Variants in SRBD1 observed in about 807,000 individuals in gnomAD.
SRBD1 encodes S1 RNA-binding domain-containing protein 1.
Under a neutral mutation model 115.3 loss-of-function variants are expected in SRBD1, and 88 were observed. The observed-to-expected ratio is 0.76, with a 90% CI of 0.64 to 0.91. The LOEUF (loss-of-function observed/expected upper bound fraction) is 0.91, where lower values mean the gene tolerates loss of function less well. Ranked by LOEUF, SRBD1 falls within the 40% of genes least tolerant of loss-of-function variation. The pLI is 0.00. For synonymous variants in SRBD1, 509 were observed against 407.7 expected, an observed-to-expected ratio of 1.25 and a Z score of -2.99; for missense variants, 1,385 against 1,177.4, an observed-to-expected ratio of 1.18 and a Z score of -2.58.
intron 7 of SRBD1, 62 bp downstream of exon 7, chr2:45,579,811 TAC>T: frequency 6.9e-7 from 1 of 1,446,260 alleles, no homozygotes; most frequent in East Asian, 2.4e-5. Context: ...TTTTTTAACA[TAC>T]GTTTTTAAAT....
chr2:45,402,742 A>G (rs1667324193), intron 19 of SRBD1, among the ~76,000 whole-genome samples: 1 of 152,202 alleles, frequency 6.6e-6, no homozygotes, highest in Non-Finnish European at 1.5e-5. Flanking sequence ...TCTGGAGTGA[A>G]TCAAATTCTT....
At chr2:45,509,140 A>T (rs192404189) in intron 14 of SRBD1, among the ~76,000 whole-genome samples, 9 of 152,308 alleles carry the variant, frequency 5.9e-5, no homozygotes, top group African/African-American at 2.2e-4. Flanking sequence ...GATATCAAGC[A>T]ACCTACTTCT....
At chr2:45,415,681 GGGGAC>G (rs1196328803) in intron 18 of SRBD1, among the ~76,000 whole-genome samples, 400 of 27,878 alleles carry the variant, frequency 0.014, 22 homozygotes, top group East Asian at 0.017. Flanking sequence ...GGGGAGGGGA[GGGGAC>G]GGGAGAGGAG....
At chr2:45,433,275 G>A (rs1160586156) in intron 16 of SRBD1, among the ~76,000 whole-genome samples, 5 of 152,026 alleles carry the variant, frequency 3.3e-5, no homozygotes, top group Non-Finnish European at 7.4e-5. Context: ...AGTGGATGCT[G>A]AGTGCACCCA....
chr2:45,557,491 T>C (rs1003852938), intron 10 of SRBD1, among the ~76,000 whole-genome samples: 1 of 152,268 alleles, frequency 6.6e-6, no homozygotes, highest in East Asian at 1.9e-4. Flanking sequence ...ACTGCTCTCC[T>C]CCCCTTCCTG....
chr2:45,410,990 T>A (rs1214887072), intron 19 of SRBD1, among the ~76,000 whole-genome samples: 1 of 152,188 alleles, frequency 6.6e-6, no homozygotes, highest in Non-Finnish European at 1.5e-5. Context: ...GAACATTAAG[T>A]AGATGTTTCC....
At chr2:45,437,880 C>T (rs927866968) in intron 16 of SRBD1, among the ~76,000 whole-genome samples, 1 of 152,038 alleles carries the variant, frequency 6.6e-6, no homozygotes, top group African/African-American at 2.4e-5. Flanking sequence ...ACAATAAAGG[C>T]ACAATTCATA....
At chr2:45,471,683 A>G (rs1389348823) in intron 16 of SRBD1, among the ~76,000 whole-genome samples, 1 of 152,168 alleles carries the variant, frequency 6.6e-6, no homozygotes, top group East Asian at 1.9e-4. Context: ...TTTTCATCTT[A>G]TTACAACTTT....
chr2:45,391,109 A>G (rs1481085039), intron 20 of SRBD1, among the ~76,000 whole-genome samples: 1 of 152,138 alleles, frequency 6.6e-6, no homozygotes, highest in East Asian at 1.9e-4. Flanking sequence ...GCTGCTGCAG[A>G]TTCCCTAAGG....
At chr2:45,585,956 T>A (rs183779188) in intron 4 of SRBD1, among the ~76,000 whole-genome samples, 182 bp from the exon 5 acceptor site, 1 of 152,176 alleles carries the variant, frequency 6.6e-6, no homozygotes, top group Admixed American at 6.5e-5. Flanking sequence ...AATGGTAAAA[T>A]AGCCATTTCA....
chr2:45,473,465 C>T (rs556325086), intron 16 of SRBD1, among the ~76,000 whole-genome samples: 1 of 152,212 alleles, frequency 6.6e-6, no homozygotes, highest in South Asian at 2.1e-4. Context: ...TGGACACTCC[C>T]CTGCTTTTTG....
At chr2:45,547,839 G>A (rs556560958) in intron 12 of SRBD1, among the ~76,000 whole-genome samples, 1 of 152,246 alleles carries the variant, frequency 6.6e-6, no homozygotes, top group African/African-American at 2.4e-5. Context: ...ATTAATTGGA[G>A]AATATGCTAG....
intron 19 of SRBD1, among the ~76,000 whole-genome samples, chr2:45,407,855 T>A (rs149157899): frequency 6.6e-6 from 1 of 151,980 alleles, no homozygotes; most frequent in Admixed American, 6.6e-5. Flanking sequence ...AAAGAACTCA[T>A]ACATAAATAA....
At chr2:45,488,878 A>G (rs1392799279) in intron 14 of SRBD1, among the ~76,000 whole-genome samples, 1 of 152,028 alleles carries the variant, frequency 6.6e-6, no homozygotes, top group African/African-American at 2.4e-5. Flanking sequence ...AAAAGGGATC[A>G]GACAGGATGT....
At chr2:45,513,433 AC>A (rs1475996075) in intron 14 of SRBD1, among the ~76,000 whole-genome samples, 22 of 151,258 alleles carry the variant, frequency 1.5e-4, no homozygotes, top group African/African-American at 4.8e-4. Flanking sequence ...AAAAAAAAAA[AC>A]AACTGACCAG....
chr2:45,601,540 T>G (rs1674092202), intron 3 of SRBD1, among the ~76,000 whole-genome samples: 1 of 152,234 alleles, frequency 6.6e-6, no homozygotes, highest in Non-Finnish European at 1.5e-5. Context: ...ACTTAACATC[T>G]TTCTTCAGCT....
rs190896788 is a variant in SRBD1 at position 45,470,326 on chromosome 2, G to A, written c.2049+6667C>T. 7.9e-5 allele frequency among the ~76,000 whole-genome samples: 12 copies of A among 152,130 alleles called. No homozygotes were observed. In the East Asian group the frequency reaches 1.7e-3, roughly 22 times the overall value. On this transcript the variant is annotated intron_variant, in intron 16 of 20. Coordinates refer to ENST00000263736, the MANE Select transcript of SRBD1 (RefSeq NM_018079.5). The stretch of plus-strand genomic sequence containing the variant: ...TGAGGTTTTACTGTGAAAAATTTCC[G>A]CTGGGAAGATGATTTTCCTTTTACA...
intron 16 of SRBD1, among the ~76,000 whole-genome samples, chr2:45,432,230 T>C (rs1042024823): frequency 1.1e-4 from 17 of 152,062 alleles, no homozygotes; most frequent in African/African-American, 3.1e-4. Flanking sequence ...GGTTTCTCCA[T>C]ATTGGTCAGG....
intron 18 of SRBD1, among the ~76,000 whole-genome samples, chr2:45,414,665 T>C (rs146850415): frequency 6.7e-5 from 10 of 149,226 alleles, no homozygotes; most frequent in East Asian, 5.9e-4. Flanking sequence ...CATACACACA[T>C]AGTGTATATA....
Sources: allele counts gnomAD v4.1 joint callset (sites outside exome capture counted in the v4.1 genomes callset), GRCh38; gene constraint gnomAD v4.1.1; transcripts MANE v1.5; gene names NCBI Gene and HGNC (gene_info 2026-07-23, HGNC 2026-07-21).